The following ARHGAP36 variants were observed in gnomAD, a reference collection of about 807,000 sequenced individuals.
ARHGAP36 encodes the protein Rho GTPase activating protein 36.
Under a neutral mutation model 32.9 loss-of-function variants are expected in ARHGAP36, and 7 were observed. That is an observed-to-expected ratio of 0.21 (90% CI 0.12 to 0.40). The LOEUF is 0.40. Ranked by LOEUF, ARHGAP36 falls within the 10% of genes least tolerant of loss-of-function variation. The pLI is 1.00. For synonymous variants in ARHGAP36, 165 were observed against 168.3 expected, an observed-to-expected ratio of 0.98 and a Z score of 0.15; for missense variants, 383 against 442.2, an observed-to-expected ratio of 0.87 and a Z score of 1.20.
intron 2 of ARHGAP36, 152 bp from the exon 3 acceptor site, chrX:131,083,013 G>C (rs934969204): frequency 8.3e-5 from 38 of 457,153 alleles, no homozygotes; most frequent in Non-Finnish European, 1.4e-4. Flanking sequence ...GGGAAACTGA[G>C]GCTCATAGAA....
intron 1 of ARHGAP36, among the ~76,000 whole-genome samples, chrX:131,061,379 C>A (rs1001859547): frequency 8.1e-5 from 9 of 110,911 alleles, no homozygotes; most frequent in Non-Finnish European, 1.7e-4. Context: ...AGAGGCATCA[C>A]TGAGGTCTGG....
rs971028609 is a variant in ARHGAP36, at chrX:131,083,765, G to A, written c.351G>A (p.Leu117=). Residue 117 remains leucine, a synonymous_variant, in exon 4 of 12, where the codon CTG becomes CTA. Transcript: ENST00000276211. The part of the protein sequence containing the change: ...AVSHKTFGIS[L]EEVLVNEFTR... Reference sequence around the variant, plus strand: ...CACACAAGACATTTGGCATTAGCCTGGAAGAGGTCCTGGTGAACGAGTTTA... The same window carrying A: ...CACACAAGACATTTGGCATTAGCCTAGAAGAGGTCCTGGTGAACGAGTTTA... The A allele has an allele frequency of 1.3e-5, 16 of 1,210,095 alleles. No homozygotes were observed. The highest frequency in any genetic ancestry group is 1.6e-5 in the Non-Finnish European group (14 of 895,152).
rs771353609 is a variant in ARHGAP36 at position 131,060,784 on chromosome X, CTTAGGCTCAATTGCTTACATG to C, written c.-143+2342_-143+2362del. Reference sequence around the variant, plus strand: ...TGAAGCTCTTCCCAAATGTTGGGCCCTTAGGCTCAATTGCTTACATGTATAATCTCACTTAAGTCACAGGGC... The same window carrying C: ...TGAAGCTCTTCCCAAATGTTGGGCCCTATAATCTCACTTAAGTCACAGGGC... On this transcript the variant is annotated intron_variant, in intron 1 of 11. Coordinates refer to ENST00000276211, the MANE Select transcript of ARHGAP36 (RefSeq NM_144967.4). Among the ~76,000 whole-genome samples, 564 of 112,200 alleles carry C rather than the reference CTTAGGCTCAATTGCTTACATG, an allele frequency of 5.0e-3. 4 individuals carry two copies. Among genetic ancestry groups the C allele is most frequent in the East Asian group, 0.05 (178 of 3,576 alleles).
rs1458298684 is a variant in ARHGAP36 at position 131,074,890 on chromosome X, CAT to C, written c.-142-6632_-142-6631del. ...GGCCAGTTAGCTTTTATCTACATTT[CAT>C]AGACTAGACTAATCCCCACATATCA... On this transcript the variant is annotated intron_variant, in intron 1 of 11. Coordinates refer to ENST00000276211, the MANE Select transcript of ARHGAP36 (RefSeq NM_144967.4). Among the ~76,000 whole-genome samples the C allele has an allele frequency of 3.6e-5, 4 of 112,280 alleles. No individual in the cohort carries two copies. The Admixed American group carries it at 3.7e-4, about 11-fold the overall frequency.
intron 1 of ARHGAP36, among the ~76,000 whole-genome samples, chrX:131,066,827 T>C (rs760662210): frequency 1.8e-4 from 20 of 111,715 alleles, no homozygotes; most frequent in Non-Finnish European, 1.1e-4. Context: ...TAATTATAGC[T>C]CTGTCTACCT....
chrX:131,064,789 C>G (rs1188027954), intron 1 of ARHGAP36, among the ~76,000 whole-genome samples: 1 of 111,565 alleles, frequency 9.0e-6, no homozygotes, highest in East Asian at 2.8e-4. Flanking sequence ...GGGCTTTACT[C>G]TCATGGGGAA....
chrX:131,076,819 A>G (rs1220276330), intron 1 of ARHGAP36, among the ~76,000 whole-genome samples: 1 of 111,970 alleles, frequency 8.9e-6, no homozygotes, highest in Non-Finnish European at 1.9e-5. Context: ...GGACCAGGTG[A>G]TGGCTAAGGT....
chrX:131,081,719 C>T lies in ARHGAP36; in HGVS notation c.54C>T (p.Ile18=). 4 of 1,211,810 alleles carry T rather than the reference C, an allele frequency of 3.3e-6. No individual in the cohort carries two copies. The highest frequency in any genetic ancestry group is 3.3e-6 in the Non-Finnish European group (3 of 895,536). ...CAGCAAGGGCACTGTGCCCCAGAAT[C>T]ATGCCCCCTTTGCTGTTGTTGTCCG... ...LKAARALCPR[I]MPPLLLLSAF... The change falls in exon 2 of 12, where the codon ATC becomes ATT. Residue 18 remains isoleucine (I), a synonymous_variant. Transcript: ENST00000276211.
Position 131,071,166 on chromosome X carries a change from C to CAGAG in ARHGAP36, c.-142-10342_-142-10339dup, listed in dbSNP as rs112542239. 1.0e-3 allele frequency among the ~76,000 whole-genome samples: 108 copies of CAGAG among 106,345 alleles called. 1 individual carries two copies. The highest frequency in any genetic ancestry group is 3.2e-3 in the African/African-American group (94 of 29,167). The allele number at this position is 106,345 out of a possible 115,157, so 92.3% of individuals were successfully genotyped here. A position where few individuals can be genotyped will look rare whatever the true frequency, so the allele number is the denominator to read the frequency against. On this transcript the variant is annotated intron_variant, in intron 1 of 11. Coordinates refer to ENST00000276211, the MANE Select transcript of ARHGAP36 (RefSeq NM_144967.4). ...GAAAAATCCAGGGAGAGAGAGAAGA[C>CAGAG]AGAGAGAGAGAGAGAGAGACAGAGA...
At chrX:131,068,621 C>A (rs1476934696) in intron 1 of ARHGAP36, among the ~76,000 whole-genome samples, 1 of 107,610 alleles carries the variant, frequency 9.3e-6, no homozygotes, top group Non-Finnish European at 1.9e-5. Context: ...CCTCTGTCCC[C>A]CTCCGCACCC....
intron 1 of ARHGAP36, among the ~76,000 whole-genome samples, chrX:131,068,042 C>A (rs1293536206): frequency 1.8e-5 from 2 of 111,751 alleles, no homozygotes; most frequent in Non-Finnish European, 3.8e-5. Flanking sequence ...ACCTTCAAAC[C>A]GCACCCACAT....
intron 1 of ARHGAP36, among the ~76,000 whole-genome samples, chrX:131,069,148 C>T (rs1340323087): frequency 1.8e-5 from 2 of 112,060 alleles, no homozygotes; most frequent in Non-Finnish European, 3.8e-5. Flanking sequence ...GTGAGAATCT[C>T]TGAGGTGCCC....
At chrX:131,069,321 G>A (rs933311480) in intron 1 of ARHGAP36, among the ~76,000 whole-genome samples, 2 of 111,760 alleles carry the variant, frequency 1.8e-5, no homozygotes, top group African/African-American at 6.5e-5. Flanking sequence ...ACCCCGTGGC[G>A]CATTATGTAA....
chrX:131,081,958 A>T, intron 2 of ARHGAP36, 40 bp downstream of exon 2: 1 of 1,198,029 alleles, frequency 8.3e-7, no homozygotes, highest in Non-Finnish European at 1.1e-6. Context: ...CGCCTTCGGG[A>T]GAGTGGACCC....
At chrX:131,081,974 G>T in intron 2 of ARHGAP36, 56 bp downstream of exon 2, 3 of 1,173,294 alleles carry the variant, frequency 2.6e-6, no homozygotes, top group Non-Finnish European at 3.4e-6. Flanking sequence ...GACCCTCCGG[G>T]CAGGACGGGG....
intron 1 of ARHGAP36, among the ~76,000 whole-genome samples, chrX:131,076,013 T>A (rs753749025): frequency 6.3e-5 from 7 of 111,933 alleles, no homozygotes; most frequent in Non-Finnish European, 1.3e-4. Flanking sequence ...ATTGTAAGAA[T>A]AAAGTGGCAT....
intron 1 of ARHGAP36, among the ~76,000 whole-genome samples, chrX:131,059,436 C>T (rs973570156): frequency 9.0e-6 from 1 of 110,551 alleles, no homozygotes; most frequent in Non-Finnish European, 1.9e-5. Context: ...TGGGCACCAG[C>T]CATAGACCAA....
chrX:131,063,500 A>G (rs918848206), intron 1 of ARHGAP36, among the ~76,000 whole-genome samples: 9 of 111,470 alleles, frequency 8.1e-5, no homozygotes, highest in African/African-American at 2.6e-4. Context: ...GAAATTCTTA[A>G]ATCCTCAGAG....
rs376385587 is a variant in ARHGAP36 at position 131,084,012 on chromosome X, G to T, written c.555+43G>T. Reference sequence around the variant, plus strand: ...GGTTTCAGGCAGGGGCCTCTCCTGAGGTATGCAGGAATGTGAGGCCGGAGG... The same window carrying T: ...GGTTTCAGGCAGGGGCCTCTCCTGATGTATGCAGGAATGTGAGGCCGGAGG... On this transcript the variant is annotated intron_variant, in intron 4 of 11. Coordinates refer to ENST00000276211, the MANE Select transcript of ARHGAP36 (RefSeq NM_144967.4). The T allele has an allele frequency of 1.1e-3, 1,347 of 1,171,701 alleles. 4 individuals are homozygous for T. Among genetic ancestry groups the T allele is most frequent in the South Asian group, 1.8e-3 (99 of 54,420 alleles).
Sources: allele counts gnomAD v4.1 joint callset (sites outside exome capture counted in the v4.1 genomes callset), GRCh38; gene constraint gnomAD v4.1.1; transcripts MANE v1.5; gene names NCBI Gene and HGNC (gene_info 2026-07-23, HGNC 2026-07-21).